The following CDH13 variants were observed in gnomAD, a reference collection of about 807,000 sequenced individuals.
CDH13 encodes cadherin-13.
A neutral mutation model predicts 63.8 loss-of-function variants in CDH13; 24 were observed. The observed-to-expected ratio is 0.38, with a 90% CI of 0.27 to 0.53. CDH13 has a LOEUF of 0.53. Ranked by LOEUF, CDH13 falls within the 20% of genes least tolerant of loss-of-function variation. The probability of loss-of-function intolerance (pLI) is 0.85; values close to 1 mark genes in which losing one functional copy is unlikely to be tolerated. For synonymous variants in CDH13, 503 were observed against 355.3 expected, an observed-to-expected ratio of 1.42 and a Z score of -4.67; for missense variants, 1,049 against 903.1, an observed-to-expected ratio of 1.16 and a Z score of -2.07.
At chr16:82,775,376 G>A (rs933893120) in intron 1 of CDH13, among the ~76,000 whole-genome samples, 1 of 152,178 alleles carries the variant, frequency 6.6e-6, no homozygotes, top group Non-Finnish European at 1.5e-5. Context: ...CCAGCTGTAT[G>A]TATGAGCATG....
chr16:82,907,099 C>G (rs968767115), intron 2 of CDH13, among the ~76,000 whole-genome samples: 2 of 152,154 alleles, frequency 1.3e-5, no homozygotes, highest in Non-Finnish European at 2.9e-5. Context: ...TAATTGGCCT[C>G]TTATTCAAGG....
At chr16:83,470,343 A>C (rs530984489) in intron 6 of CDH13, among the ~76,000 whole-genome samples, 21 of 152,268 alleles carry the variant, frequency 1.4e-4, no homozygotes, top group African/African-American at 5.1e-4. Flanking sequence ...AGATGTGAGC[A>C]CTACACCCAG....
intron 3 of CDH13, among the ~76,000 whole-genome samples, chr16:83,106,570 A>G (rs187395284): frequency 6.6e-6 from 1 of 152,044 alleles, no homozygotes; most frequent in East Asian, 1.9e-4. Context: ...AATACAAAAC[A>G]AAAAAACAAG....
At chr16:83,319,256 G>A (rs879930040) in intron 5 of CDH13, among the ~76,000 whole-genome samples, 4 of 152,046 alleles carry the variant, frequency 2.6e-5, no homozygotes, top group Non-Finnish European at 2.9e-5. Context: ...AAAAATATTG[G>A]CATGTTTGGA....
At chr16:82,714,711 C>G (rs534166258) in intron 1 of CDH13, among the ~76,000 whole-genome samples, 1 of 21,936 alleles carries the variant, frequency 4.6e-5, no homozygotes, top group African/African-American at 1.9e-4. Flanking sequence ...AAGACTCCAT[C>G]TAAAAAAAAA....
intron 4 of CDH13, among the ~76,000 whole-genome samples, chr16:83,187,929 A>T (rs559995856): frequency 6.6e-5 from 10 of 152,120 alleles, no homozygotes; most frequent in East Asian, 1.9e-4. Flanking sequence ...GGATGCATCT[A>T]TCTGGGGGCT....
At chr16:83,100,296 A>T (rs1289756487) in intron 3 of CDH13, among the ~76,000 whole-genome samples, 1 of 152,218 alleles carries the variant, frequency 6.6e-6, no homozygotes, top group East Asian at 1.9e-4. Context: ...AACAAGGGAC[A>T]TAGATACAAA....
intron 6 of CDH13, among the ~76,000 whole-genome samples, chr16:83,443,718 AAAAAAAAAAAAAAAAAAATATATATATAT>A (rs1304040824): frequency 0.026 from 2,506 of 95,542 alleles, 130 homozygotes; most frequent in African/African-American, 0.12. Context: ...AAAAAAAAAA[AAAAAAAAAAAAAAAAAAATATATATATAT>A]ATATATATAT....
intron 3 of CDH13, among the ~76,000 whole-genome samples, chr16:83,078,623 G>C (rs975067076): frequency 6.6e-6 from 1 of 152,190 alleles, no homozygotes; most frequent in Non-Finnish European, 1.5e-5. Flanking sequence ...AGGAGTTGGG[G>C]ACCCCTGCTA....
intron 1 of CDH13, among the ~76,000 whole-genome samples, chr16:82,836,949 AAT>A (rs1232591630): frequency 1.3e-5 from 2 of 152,242 alleles, no homozygotes; most frequent in African/African-American, 4.8e-5. Context: ...GCCAAATCTT[AAT>A]AGTCTTTCTT....
chr16:83,222,376 A>G (rs192741484), intron 5 of CDH13, among the ~76,000 whole-genome samples: 1 of 152,214 alleles, frequency 6.6e-6, no homozygotes, highest in East Asian at 1.9e-4. Context: ...CTGTAGCTCC[A>G]TGACAATTTG....
intron 6 of CDH13, among the ~76,000 whole-genome samples, chr16:83,430,648 C>G (rs1464550053): frequency 6.6e-6 from 1 of 152,160 alleles, no homozygotes; most frequent in Non-Finnish European, 1.5e-5. Context: ...TGAAAGAGAT[C>G]ATTTCACTGT....
intron 2 of CDH13, among the ~76,000 whole-genome samples, chr16:82,944,139 C>T (rs534461525): frequency 3.9e-5 from 6 of 152,284 alleles, no homozygotes; most frequent in East Asian, 3.9e-4. Context: ...TCAGGAGAAT[C>T]GTCTTAGGAG....
Position 83,047,058 on chromosome 16 carries a change from C to T in CDH13, c.366+14840C>T, listed in dbSNP as rs571778007. Among the ~76,000 whole-genome samples the T allele has an allele frequency of 1.4e-4, 22 of 152,262 alleles. No homozygotes were observed. The South Asian group carries it at 3.3e-3, about 23-fold the overall frequency. ...GTGCACTGTCAACCAACCCCTTCAT[C>T]GAGTCAGGCAAATTAGGATTCCTTT... On this transcript the variant is annotated intron_variant, in intron 3 of 13. Transcript: ENST00000567109. The surrounding 1 kb of genome is among the most constrained non-coding windows in gnomAD (Gnocchi z 4.9).
chr16:82,934,057 T>C (rs959648371), intron 2 of CDH13, among the ~76,000 whole-genome samples: 1 of 152,204 alleles, frequency 6.6e-6, no homozygotes, highest in Non-Finnish European at 1.5e-5. Flanking sequence ...ACAGCTCAAC[T>C]AGGCAGTGCC....
intron 1 of CDH13, among the ~76,000 whole-genome samples, chr16:82,836,439 T>A (rs867604320): frequency 6.6e-6 from 1 of 152,278 alleles, no homozygotes; most frequent in East Asian, 1.9e-4. Context: ...CATGAGCCGC[T>A]GTGCCTGGCC....
chr16:83,156,684 C>T (rs1394583541), intron 4 of CDH13, among the ~76,000 whole-genome samples: 2 of 152,234 alleles, frequency 1.3e-5, no homozygotes, highest in Admixed American at 6.5e-5. Context: ...ACTTCTGCGT[C>T]TTGACGACAT....
intron 6 of CDH13, among the ~76,000 whole-genome samples, chr16:83,385,306 AGCT>A (rs1324145477): frequency 6.6e-6 from 1 of 152,242 alleles, no homozygotes; most frequent in Non-Finnish European, 1.5e-5. Context: ...CTCATTAGGC[AGCT>A]AAGGCATATT....
chr16:83,662,581 A>G (rs1913536738), intron 8 of CDH13, among the ~76,000 whole-genome samples: 1 of 152,188 alleles, frequency 6.6e-6, no homozygotes, highest in South Asian at 2.1e-4. Flanking sequence ...CAGGGAGTTG[A>G]GGATCTCTAA....
Sources: allele counts gnomAD v4.1 joint callset (sites outside exome capture counted in the v4.1 genomes callset), GRCh38; gene constraint gnomAD v4.1.1; non-coding constraint Gnocchi (gnomAD v3.1); transcripts MANE v1.5; gene names NCBI Gene and HGNC (gene_info 2026-07-23, HGNC 2026-07-21).